CHST8: variants seen among roughly 807,000 people sequenced by gnomAD.
CHST8 encodes the protein carbohydrate sulfotransferase 8.
Under a neutral mutation model 15.0 loss-of-function variants are expected in CHST8, and 10 were observed. The ratio of observed to expected loss-of-function variants is 0.67; its 90% CI spans 0.41 to 1.13. The LOEUF (loss-of-function observed/expected upper bound fraction) is 1.13. CHST8 is among the 50% of genes most tolerant of loss of function. The pLI, the probability that CHST8 is intolerant of heterozygous loss-of-function variation, is 0.00. For missense variants in CHST8, 634 were observed against 608.2 expected, an observed-to-expected ratio of 1.04 and a Z score of -0.45; for synonymous variants, 259 against 256.6, an observed-to-expected ratio of 1.01 and a Z score of -0.09.
intron 1 of CHST8, among the ~76,000 whole-genome samples, chr19:33,634,671 C>T (rs1286630701): frequency 3.6e-5 from 2 of 56,290 alleles, no homozygotes; most frequent in East Asian, 4.5e-4. Flanking sequence ...TTTCTTGTCA[C>T]GAAACCAAAA....
At chr19:33,766,135 C>CCT (rs960577891) in intron 3 of CHST8, among the ~76,000 whole-genome samples, 4 of 151,586 alleles carry the variant, frequency 2.6e-5, no homozygotes, top group African/African-American at 4.9e-5. Context: ...CTCGCTCTCT[C>CCT]CTCTCTCTCT....
chr19:33,629,619 C>T (rs1972097952), intron 1 of CHST8, among the ~76,000 whole-genome samples: 1 of 152,226 alleles, frequency 6.6e-6, no homozygotes, highest in Non-Finnish European at 1.5e-5. Context: ...CACCCCATTT[C>T]CCGTTGTGCC....
intron 3 of CHST8, among the ~76,000 whole-genome samples, chr19:33,724,948 G>A (rs941429247): frequency 5.3e-5 from 8 of 152,222 alleles, no homozygotes; most frequent in African/African-American, 4.8e-5. Flanking sequence ...CTGGAGGATC[G>A]ACCCAGCAGA....
At chr19:33,765,742 G>A (rs1974826817) in intron 3 of CHST8, among the ~76,000 whole-genome samples, 1 of 152,050 alleles carries the variant, frequency 6.6e-6, no homozygotes, top group Non-Finnish European at 1.5e-5. Flanking sequence ...TTGTGTTTTA[G>A]TAGAGACGAG....
intron 3 of CHST8, among the ~76,000 whole-genome samples, chr19:33,762,873 T>G (rs12983534): frequency 6.6e-6 from 1 of 151,344 alleles, no homozygotes; most frequent in Non-Finnish European, 1.5e-5. Context: ...TCTTTTTTTT[T>G]TTTTTTGAGA....
intron 3 of CHST8, among the ~76,000 whole-genome samples, chr19:33,765,266 A>T (rs941817530): frequency 9.2e-5 from 14 of 151,966 alleles, no homozygotes; most frequent in East Asian, 5.8e-4. Flanking sequence ...AAGCTGGAAG[A>T]GTCGAGGAAG....
At chr19:33,759,355 G>A (rs1055722556) in intron 3 of CHST8, among the ~76,000 whole-genome samples, 12 of 152,202 alleles carry the variant, frequency 7.9e-5, no homozygotes, top group South Asian at 6.2e-4. Flanking sequence ...TGGTCACCAC[G>A]TGCCATGTCA....
intron 1 of CHST8, among the ~76,000 whole-genome samples, chr19:33,646,846 C>T (rs927418603): frequency 2.6e-5 from 4 of 152,120 alleles, no homozygotes; most frequent in East Asian, 1.9e-4. Context: ...ACCTGGGAGG[C>T]GGGGGTTGCA....
chr19:33,720,325 A>ACACACACAC (rs1457231374), intron 3 of CHST8, among the ~76,000 whole-genome samples: 1 of 151,690 alleles, frequency 6.6e-6, no homozygotes, highest in African/African-American at 2.4e-5. Context: ...TACACACTGC[A>ACACACACAC]CACACACACC....
intron 3 of CHST8, among the ~76,000 whole-genome samples, chr19:33,762,303 A>ACCCACCCATCAC (rs1974748908): frequency 1.3e-5 from 2 of 152,124 alleles, no homozygotes; most frequent in African/African-American, 2.4e-5. Flanking sequence ...AGGTGGGTAG[A>ACCCACCCATCAC]TGTGGCGCAG....
chr19:33,758,402 G>C lies in CHST8; in HGVS notation c.131-13011G>C, dbSNP rs534373403. On this transcript the variant is annotated intron_variant, in intron 3 of 4. Transcript: ENST00000650847. ...CTGAGCCCCTAGGCAGCCCTTTGCA[G>C]TCTGGAGCCCCACTCTCCCCAGGGT... Among the ~76,000 whole-genome samples the C allele has an allele frequency of 2.0e-5, 3 of 152,334 alleles. No homozygotes were observed. In the South Asian group the frequency reaches 6.2e-4, roughly 32 times the overall value.
rs777164663 is a variant in CHST8, at chr19:33,689,373, G to C, written c.112G>C (p.Ala38Pro). The C allele has an allele frequency of 6.3e-7, 1 of 1,598,532 alleles. No homozygotes were observed. Among genetic ancestry groups the C allele is most frequent in the Admixed American group, 1.7e-5 (1 of 58,298 alleles). Residue 38 changes from alanine to proline, a missense_variant, in exon 3 of 5, where the codon GCC becomes CCC. By Grantham distance (27) the Ala-to-Pro change is conservative (BLOSUM62 -1). Transcript: ENST00000650847. ...CAGCCTGCAGGACCCTACGGAGCTCGCCCCCCAGCAGGTGCCAGGTGAGTC... is the reference window on the plus strand; with the variant it reads ...CAGCCTGCAGGACCCTACGGAGCTCCCCCCCCAGCAGGTGCCAGGTGAGTC... ...FISLQDPTEL[A>P]PQQVPGIKFN...
chr19:33,751,358 C>G (rs938741182), intron 3 of CHST8, among the ~76,000 whole-genome samples: 3 of 152,224 alleles, frequency 2.0e-5, no homozygotes, highest in Non-Finnish European at 4.4e-5. Context: ...CAGACGTAGA[C>G]ATCCAAGGGA....
intron 1 of CHST8, among the ~76,000 whole-genome samples, chr19:33,653,428 A>C (rs1163968922): frequency 6.6e-6 from 1 of 152,180 alleles, no homozygotes; most frequent in Non-Finnish European, 1.5e-5. Flanking sequence ...AGCTTCACTG[A>C]GTTAACTGTA....
intron 2 of CHST8, among the ~76,000 whole-genome samples, chr19:33,673,336 T>C (rs1972766668): frequency 6.6e-6 from 1 of 152,232 alleles, no homozygotes; most frequent in African/African-American, 2.4e-5. Context: ...CTGGAGATGA[T>C]GCCTGCAGTG....
At chr19:33,649,854 G>C (rs1325118897) in intron 1 of CHST8, among the ~76,000 whole-genome samples, 2 of 152,166 alleles carry the variant, frequency 1.3e-5, no homozygotes, top group Admixed American at 1.3e-4. Context: ...GTCAGTTAGT[G>C]CCTGGCGGTG....
chr19:33,732,879 T>G (rs1026658943), intron 3 of CHST8, among the ~76,000 whole-genome samples: 3 of 152,182 alleles, frequency 2.0e-5, no homozygotes, highest in African/African-American at 7.2e-5. Flanking sequence ...CCATGGTACC[T>G]CCTTCATGGA....
At chr19:33,647,727 T>C (rs1302480524) in intron 1 of CHST8, among the ~76,000 whole-genome samples, 1 of 151,904 alleles carries the variant, frequency 6.6e-6, no homozygotes, top group Non-Finnish European at 1.5e-5. Context: ...GCACCTGTAA[T>C]CCCAGCTACT....
Position 33,634,607 on chromosome 19 carries a change from C to A in CHST8, c.-164+12311C>A, listed in dbSNP as rs1261046320. ...CAGGTGCTGAGCCCTGGCCCAGCCCCGGACTCATCAGACAGCCCTTGACCC... is the reference window on the plus strand; with the variant it reads ...CAGGTGCTGAGCCCTGGCCCAGCCCAGGACTCATCAGACAGCCCTTGACCC... On this transcript the variant is annotated intron_variant, in intron 1 of 4. Transcript: ENST00000650847. Among the ~76,000 whole-genome samples, 7 of 146,670 alleles carry A rather than the reference C, an allele frequency of 4.8e-5. 1 individual carries two copies. The highest frequency in any genetic ancestry group is 1.8e-4 in the African/African-American group (7 of 39,326).
Sources: gnomAD v4.1 joint callset for allele counts (sites outside exome capture counted in the v4.1 genomes callset) on GRCh38, gnomAD v4.1.1 for gene constraint, MANE v1.5 for transcripts, NCBI Gene and HGNC (gene_info 2026-07-23, HGNC 2026-07-21) for gene names.